RARB: variants seen among roughly 807,000 people sequenced by gnomAD.
RARB encodes retinoic acid receptor beta, also known as HBV-activated protein.
Under a neutral mutation model 51.9 loss-of-function variants are expected in RARB, and 17 were observed. That is an observed-to-expected ratio of 0.33 (90% CI 0.22 to 0.49). RARB has a LOEUF of 0.49. Among genes scored for constraint, RARB ranks in the 20% least tolerant of loss-of-function variants. The pLI is 0.99. For missense variants in RARB, 369 were observed against 550.8 expected (o/e 0.67, Z 3.30); for synonymous variants, 215 against 195.4 (o/e 1.10, Z -0.84).
At chr3:25,000,351 A>G (rs1697133196) in intron 2 of RARB, among the ~76,000 whole-genome samples, 2 of 152,280 alleles carry the variant, frequency 1.3e-5, no homozygotes, top group South Asian at 2.1e-4. Flanking sequence ...AAGTAATACC[A>G]TGACCACTAC....
upstream of RARB, among the ~76,000 whole-genome samples, chr3:25,423,310 C>G (rs187788713): frequency 2.6e-5 from 4 of 152,140 alleles, no homozygotes; most frequent in Admixed American, 2.6e-4. Context: ...TAGAAACAAC[C>G]TAAATGTCTT....
At chr3:24,949,012 T>G (rs1406223927) in intron 2 of RARB, among the ~76,000 whole-genome samples, 1 of 152,218 alleles carries the variant, frequency 6.6e-6, no homozygotes, top group Non-Finnish European at 1.5e-5. Context: ...AATGAACCAT[T>G]ACAGTAGCTG....
chr3:25,385,711 A>T (rs1470587758), intron 5 of RARB, among the ~76,000 whole-genome samples: 2 of 152,166 alleles, frequency 1.3e-5, no homozygotes, highest in Non-Finnish European at 2.9e-5. Context: ...GCAATAGGTG[A>T]TCTACATACC....
intron 5 of RARB, among the ~76,000 whole-genome samples, chr3:25,200,300 T>C (rs551766779): frequency 1.5e-4 from 22 of 151,382 alleles, no homozygotes; most frequent in Admixed American, 2.6e-4. Flanking sequence ...TTTTTTTTTT[T>C]CTTGTAAATT....
In RARB at chr3:25,205,146, C is replaced by G. The variant is rs566224111; in HGVS notation, c.178+30571C>G. ...ATGGCGGGTGCCCCTCCCCCAGCCT[C>G]TCTGCCACCTTGCAGTTTGATCTCA... On this transcript the variant is annotated intron_variant, in intron 5 of 11. Transcript: ENST00000383772. Among the ~76,000 whole-genome samples, 240 of 152,292 alleles carry G rather than the reference C, an allele frequency of 1.6e-3. 2 individuals carry two copies. Among genetic ancestry groups the G allele is most frequent in the African/African-American group, 3.8e-3 (158 of 41,576 alleles).
At chr3:25,247,165 C>T (rs1043144454) in intron 5 of RARB, among the ~76,000 whole-genome samples, 1 of 152,208 alleles carries the variant, frequency 6.6e-6, no homozygotes, top group African/African-American at 2.4e-5. Context: ...GGCAGATGCC[C>T]TTCCCCCACC....
intron 5 of RARB, among the ~76,000 whole-genome samples, chr3:25,196,015 C>A (rs908345595): frequency 6.6e-6 from 1 of 151,838 alleles, no homozygotes; most frequent in Non-Finnish European, 1.5e-5. Context: ...AAAAATTCTT[C>A]GTGGTCAGCA....
chr3:25,230,478 T>C (rs1575237816), intron 5 of RARB, among the ~76,000 whole-genome samples: 1 of 152,212 alleles, frequency 6.6e-6, no homozygotes, highest in Non-Finnish European at 1.5e-5. Flanking sequence ...AAATTGTTAC[T>C]CAACCTTGGA....
At chr3:25,392,798 T>C (rs1205020417) in intron 5 of RARB, among the ~76,000 whole-genome samples, 7 of 152,176 alleles carry the variant, frequency 4.6e-5, no homozygotes, top group Admixed American at 2.0e-4. Context: ...GATGAGTCTT[T>C]AGGGTTTTCT....
At chr3:25,401,890 C>A (rs1474789011) in intron 5 of RARB, among the ~76,000 whole-genome samples, 1 of 152,110 alleles carries the variant, frequency 6.6e-6, no homozygotes, top group Non-Finnish European at 1.5e-5. Flanking sequence ...GATTCTACTA[C>A]CTCAGCCTCC....
chr3:25,094,116 A>C (rs2125318117), intron 3 of RARB, among the ~76,000 whole-genome samples: 1 of 152,220 alleles, frequency 6.6e-6, no homozygotes, highest in East Asian at 1.9e-4. Context: ...CTGCTGCCTT[A>C]AGAACTAGCC....
At chr3:25,115,855 T>C (rs1197274278) in intron 3 of RARB, among the ~76,000 whole-genome samples, 1 of 152,120 alleles carries the variant, frequency 6.6e-6, no homozygotes, top group Non-Finnish European at 1.5e-5. Flanking sequence ...GATCTCGAAC[T>C]TCTGGCCTCA....
intron 5 of RARB, among the ~76,000 whole-genome samples, chr3:25,384,501 G>A (rs1304663632): frequency 1.3e-5 from 2 of 152,138 alleles, no homozygotes; most frequent in African/African-American, 4.8e-5. Context: ...AGATGGTGAT[G>A]GCCCTGCATC....
At chr3:25,546,408 C>T (rs1016936724) in intron 3 of RARB, among the ~76,000 whole-genome samples, 1 of 152,082 alleles carries the variant, frequency 6.6e-6, no homozygotes, top group Non-Finnish European at 1.5e-5. Flanking sequence ...AGAAGCTAAC[C>T]CGATGAGAGG....
In RARB at chr3:25,221,883, C is replaced by G. The variant is rs145436403; in HGVS notation, c.178+47308C>G. On this transcript the variant is annotated intron_variant, in intron 5 of 11. Transcript: ENST00000383772. ...TGAACATTTCCAAGTGTATAGGGTA[C>G]AGCAATAAATCATATTTTGATCAGT... 5.5e-4 allele frequency among the ~76,000 whole-genome samples: 83 copies of G among 152,248 alleles called. 1 individual carries two copies. The highest frequency in any genetic ancestry group is 2.2e-3 in the Admixed American group (33 of 15,284).
intron 1 of RARB, among the ~76,000 whole-genome samples, chr3:24,831,743 T>G (rs1702285732): frequency 6.6e-6 from 1 of 152,088 alleles, no homozygotes; most frequent in Admixed American, 6.5e-5. Flanking sequence ...AAATTTAACC[T>G]ACTTTAGGCA....
intron 5 of RARB, among the ~76,000 whole-genome samples, chr3:25,391,706 T>G (rs1488021448): frequency 2.6e-5 from 4 of 152,206 alleles, no homozygotes; most frequent in Non-Finnish European, 5.9e-5. Context: ...GAATTGTCTA[T>G]TTATGTCCTT....
intron 5 of RARB, among the ~76,000 whole-genome samples, chr3:25,587,475 TC>T (rs1430199788): frequency 2.6e-5 from 4 of 152,344 alleles, no homozygotes; most frequent in Admixed American, 2.6e-4. Flanking sequence ...AATTTGGATA[TC>T]TTAAGTTAAA....
At chr3:25,542,196 A>G (rs1051298096) in intron 3 of RARB, among the ~76,000 whole-genome samples, 7 of 152,250 alleles carry the variant, frequency 4.6e-5, no homozygotes, top group African/African-American at 1.7e-4. Context: ...GCTATGATCA[A>G]TTAGTATGTC....
Sources: allele counts gnomAD v4.1 joint callset (sites outside exome capture counted in the v4.1 genomes callset), GRCh38; gene constraint gnomAD v4.1.1; transcripts MANE v1.5; gene names NCBI Gene and HGNC (gene_info 2026-07-23, HGNC 2026-07-21).